COBLL1: variants seen among roughly 807,000 people sequenced by gnomAD.
COBLL1 encodes cordon-bleu WH2 repeat protein like 1, also known as cordon-bleu protein-like 1.
COBLL1 carries 50 observed loss-of-function variants against 94.8 expected under a neutral mutation model. The ratio of observed to expected loss-of-function variants is 0.53; its 90% CI spans 0.42 to 0.67. The LOEUF is 0.67. Ranked by LOEUF, COBLL1 falls within the 30% of genes least tolerant of loss-of-function variation. The probability of loss-of-function intolerance (pLI) is 0.00; values close to 1 mark genes in which losing one functional copy is unlikely to be tolerated. For synonymous variants in COBLL1, 448 were observed against 473.8 expected (o/e 0.95, Z 0.71); for missense variants, 1,362 against 1,348.7 (o/e 1.01, Z -0.15).
chr2:164,757,182 T>C (rs1687451966), intron 2 of COBLL1, among the ~76,000 whole-genome samples: 1 of 152,182 alleles, frequency 6.6e-6, no homozygotes, highest in Admixed American at 6.5e-5. Context: ...CACTATTAAG[T>C]ATTCAGTTAG....
rs1374101699 is a variant in COBLL1 at position 164,689,231 on chromosome 2, G to A, written c.3300+2990C>T. Among the ~76,000 whole-genome samples, 10 of 152,074 alleles carry A rather than the reference G, an allele frequency of 6.6e-5. No homozygotes were observed. The East Asian group carries it at 1.7e-3, about 26-fold the overall frequency. Reference sequence around the variant, plus strand: ...CAATCAACTAGATAATTGTTCTATTGTGAACCAACCATTATAATGAAGGTT... The same window carrying A: ...CAATCAACTAGATAATTGTTCTATTATGAACCAACCATTATAATGAAGGTT... On this transcript the variant is annotated intron_variant, in intron 13 of 13. Transcript: ENST00000652658.
rs373171185 is a variant in COBLL1, at chr2:164,827,539, T to G, written c.41+13617A>C. ...CTCTAAATTCTCATCTTTTCTTTCA[T>G]GAGCTAGAAGAAAACACCTTCCATT... On this transcript the variant is annotated intron_variant, in intron 2 of 13. Transcript: ENST00000652658. Among the ~76,000 whole-genome samples the G allele has an allele frequency of 1.4e-4, 21 of 152,340 alleles. No individual in the cohort carries two copies. In the South Asian group the frequency reaches 4.3e-3, roughly 32 times the overall value.
chr2:164,712,213 C>T (rs780031049), intron 7 of COBLL1, among the ~76,000 whole-genome samples: 40 of 152,022 alleles, frequency 2.6e-4, no homozygotes, highest in Non-Finnish European at 4.6e-4. Flanking sequence ...AAAAGTGGGT[C>T]ATTGAAATTG....
chr2:164,732,664 C>CA (rs1686079642), intron 3 of COBLL1, among the ~76,000 whole-genome samples: 1 of 152,136 alleles, frequency 6.6e-6, no homozygotes, highest in African/African-American at 2.4e-5. Context: ...ATAAATGTGT[C>CA]AAGTAATAAA....
intron 2 of COBLL1, among the ~76,000 whole-genome samples, chr2:164,755,306 G>A (rs1687343175): frequency 6.6e-6 from 1 of 152,206 alleles, no homozygotes; most frequent in Non-Finnish European, 1.5e-5. Context: ...GGTACCTTGT[G>A]CATAGTTTCC....
intron 2 of COBLL1, chr2:164,779,737 G>T (rs1218915231): frequency 2.1e-6 from 1 of 470,854 alleles, no homozygotes; most frequent in South Asian, 1.5e-5. Flanking sequence ...CACAGACTAG[G>T]GCCTTCCTTC....
rs766568141 is a variant in COBLL1, at chr2:164,705,005, G to A, written c.1097C>T (p.Ser366Phe). ...SLRRTKRKAP[S>F]PPSKIPPHQS... is the part of the protein sequence containing the mutation. ...ATGCGGGGGTATTTTGGAGGGTGGG[G>A]AAGGTGCTTTTCGCTTTGTCCTTCT... The change falls in exon 8 of 14, where the codon TCC becomes TTC. Residue 366 changes from serine to phenylalanine, a missense_variant. Transcript: ENST00000652658. 13 of 1,605,350 alleles carry A rather than the reference G, an allele frequency of 8.1e-6. 1 individual carries two copies. In the South Asian group the frequency reaches 1.3e-4, roughly 17 times the overall value.
At chr2:164,794,970 G>A (rs1323000934) in intron 2 of COBLL1, among the ~76,000 whole-genome samples, 2 of 152,162 alleles carry the variant, frequency 1.3e-5, no homozygotes, top group Non-Finnish European at 2.9e-5. Flanking sequence ...AATGCCAAGA[G>A]CAAGAGCCAA....
intron 1 of COBLL1, among the ~76,000 whole-genome samples, chr2:164,674,878 T>C (rs1423528116): frequency 6.6e-6 from 1 of 152,246 alleles, no homozygotes; most frequent in Non-Finnish European, 1.5e-5. Context: ...GTAACTGAGA[T>C]TTGAAATCTT....
rs545559731 is a variant in COBLL1, at chr2:164,692,297, C to T, written c.3224G>A (p.Ser1075Asn). Residue 1075 changes from serine to asparagine, a missense_variant, in exon 13 of 14, where the codon AGC becomes AAC. Coordinates refer to ENST00000652658, the MANE Select transcript of COBLL1 (RefSeq NM_001365672.2). The part of the protein sequence containing the change: ...VMRQSSLTFQ[S>N]SDPEQMRQSL... ...CTGTCGCATCTGTTCTGGGTCAGAG[C>T]TTTGGAATGTTAAAGAACTTTGTCT... 2.5e-5 allele frequency: 40 copies of T among 1,613,490 alleles called. No individual in the cohort carries two copies. Among genetic ancestry groups the T allele is most frequent in the Non-Finnish European group, 3.1e-5 (36 of 1,179,686 alleles).
intron 9 of COBLL1, chr2:164,703,135 C>T (rs757461951): frequency 1.9e-5 from 30 of 1,613,492 alleles, no homozygotes; most frequent in Non-Finnish European, 2.4e-5. Flanking sequence ...CCTCAGGTGT[C>T]CCAGGGCACT....
intron 2 of COBLL1, chr2:164,665,809 A>C (rs1691151149): frequency 6.6e-6 from 1 of 152,186 alleles, no homozygotes; most frequent in Non-Finnish European, 1.5e-5. Flanking sequence ...AGCAACCATA[A>C]CTATTTAACC....
chr2:164,773,251 A>G lies in COBLL1; in HGVS notation c.42-29376T>C, dbSNP rs372722614. Reference sequence around the variant, plus strand: ...TTAAATGATAGAGACTATTCCTTGTAAAAGCTAAAGCCCTAGATTAGCGTG... The same window carrying G: ...TTAAATGATAGAGACTATTCCTTGTGAAAGCTAAAGCCCTAGATTAGCGTG... On this transcript the variant is annotated intron_variant, in intron 2 of 13. Coordinates refer to ENST00000652658, the MANE Select transcript of COBLL1 (RefSeq NM_001365672.2). Among the ~76,000 whole-genome samples, 4 of 152,218 alleles carry G rather than the reference A, an allele frequency of 2.6e-5. No individual in the cohort carries two copies. In the South Asian group the frequency reaches 6.2e-4, roughly 24 times the overall value.
At chr2:164,707,541 T>A (rs555793486) in intron 7 of COBLL1, among the ~76,000 whole-genome samples, 4 of 152,340 alleles carry the variant, frequency 2.6e-5, no homozygotes, top group Non-Finnish European at 4.4e-5. Context: ...CTCTCTAACA[T>A]ACTATACAGT....
intron 9 of COBLL1, chr2:164,703,751 A>G (rs1439326250): frequency 3.2e-6 from 1 of 309,768 alleles, no homozygotes; most frequent in African/African-American, 2.3e-5. Flanking sequence ...TCCCCATGAT[A>G]AAGTCCTAGC....
At chr2:164,770,951 A>G (rs922852074) in intron 2 of COBLL1, among the ~76,000 whole-genome samples, 5 of 152,124 alleles carry the variant, frequency 3.3e-5, no homozygotes, top group African/African-American at 1.2e-4. Context: ...TTACTTTTTG[A>G]TCCTAAAATA....
chr2:164,752,547 T>C (rs1687179419), intron 2 of COBLL1, among the ~76,000 whole-genome samples: 1 of 152,204 alleles, frequency 6.6e-6, no homozygotes, highest in Non-Finnish European at 1.5e-5. Flanking sequence ...ATGAGGCAGT[T>C]ACCACTGCCA....
At chr2:164,772,724 T>C (rs943767419) in intron 2 of COBLL1, among the ~76,000 whole-genome samples, 2 of 152,104 alleles carry the variant, frequency 1.3e-5, no homozygotes, top group African/African-American at 4.8e-5. Flanking sequence ...TATACCACAA[T>C]TTTATCTTAC....
At chr2:164,661,206 C>T (rs1408414415) in intron 2 of COBLL1, among the ~76,000 whole-genome samples, 2 of 151,176 alleles carry the variant, frequency 1.3e-5, no homozygotes, top group Admixed American at 6.6e-5. Flanking sequence ...TTTGGAGACT[C>T]TATAACTCAT....
Sources: gnomAD v4.1 joint callset for allele counts (sites outside exome capture counted in the v4.1 genomes callset) on GRCh38, gnomAD v4.1.1 for gene constraint, MANE v1.5 for transcripts, NCBI Gene and HGNC (gene_info 2026-07-23, HGNC 2026-07-21) for gene names.